CELF2: variants seen among roughly 807,000 people sequenced by gnomAD.
CELF2 encodes the protein CUG triplet repeat RNA-binding protein 2.
CELF2 carries 8 observed loss-of-function variants against 62.6 expected under a neutral mutation model. The ratio of observed to expected loss-of-function variants is 0.13; its 90% CI spans 0.07 to 0.23. The LOEUF (loss-of-function observed/expected upper bound fraction) is 0.23, where lower values mean the gene tolerates loss of function less well. CELF2 is among the 10% of genes least tolerant of loss of function. CELF2 has a pLI of 1.00. For missense variants in CELF2, 333 were observed against 671.0 expected (o/e 0.50, Z 5.56); for synonymous variants, 258 against 250.0 (o/e 1.03, Z -0.30).
intron 1 of CELF2, among the ~76,000 whole-genome samples, chr10:11,081,812 C>T (rs1211627668): frequency 6.6e-6 from 1 of 152,118 alleles, no homozygotes; most frequent in African/African-American, 2.4e-5. Flanking sequence ...TATTCTTTAC[C>T]TTAAGAAAGA....
intron 1 of CELF2, among the ~76,000 whole-genome samples, chr10:11,052,364 T>G (rs994351292): frequency 1.3e-5 from 2 of 152,262 alleles, no homozygotes; most frequent in African/African-American, 2.4e-5. Flanking sequence ...TAATTCATTT[T>G]TTTAGTTACT....
chr10:10,629,533 C>T, the CELF2 span, among the ~76,000 whole-genome samples: 2 of 152,038 alleles, frequency 1.3e-5, no homozygotes, highest in Admixed American at 6.6e-5. Flanking sequence ...TTTTAAGCCT[C>T]CCTTTATATC....
intron 9 of CELF2, among the ~76,000 whole-genome samples, chr10:11,307,662 T>G (rs2094325669): frequency 6.6e-6 from 1 of 152,164 alleles, no homozygotes; most frequent in Non-Finnish European, 1.5e-5. Context: ...GTTGGGGAGA[T>G]GAGGGAACAA....
chr10:10,731,335 G>A, the CELF2 span, among the ~76,000 whole-genome samples: 1 of 152,046 alleles, frequency 6.6e-6, no homozygotes, highest in Non-Finnish European at 1.5e-5. Flanking sequence ...GGCTTGCTGT[G>A]ACTAGTTGGA....
chr10:10,610,051 C>A, the CELF2 span, among the ~76,000 whole-genome samples: 1 of 152,146 alleles, frequency 6.6e-6, no homozygotes, highest in South Asian at 2.1e-4. Flanking sequence ...GATCTGGAAC[C>A]TATTTATGTG....
the CELF2 span, among the ~76,000 whole-genome samples, chr10:10,623,640 A>G: frequency 6.6e-6 from 1 of 152,144 alleles, no homozygotes; most frequent in Non-Finnish European, 1.5e-5. Flanking sequence ...GAGCCTAGGC[A>G]TTAAGAAGCA....
At chr10:10,730,258 C>A in the CELF2 span, among the ~76,000 whole-genome samples, 2 of 152,164 alleles carry the variant, frequency 1.3e-5, no homozygotes, top group Non-Finnish European at 2.9e-5. Context: ...AGGTGGATCA[C>A]TTGAGGCCGG....
At chr10:11,282,222 G>C (rs1454850546) in intron 8 of CELF2, among the ~76,000 whole-genome samples, 1 of 151,840 alleles carries the variant, frequency 6.6e-6, no homozygotes, top group Non-Finnish European at 1.5e-5. Flanking sequence ...GGAAGGAAAT[G>C]GATACCAATG....
intron 11 of CELF2, among the ~76,000 whole-genome samples, chr10:11,325,502 C>T (rs2095676955): frequency 6.6e-6 from 1 of 152,232 alleles, no homozygotes; most frequent in Non-Finnish European, 1.5e-5. Context: ...CAAGAAAAAC[C>T]CATGCCAAGA....
In CELF2 at chr10:10,857,577, C is replaced by T. The variant is rs574508186; in HGVS notation, c.53+58760C>T. Reference sequence around the variant, plus strand: ...GTCAAACATTACTAGATGTACTGAACTGTACATTTTAAAATTGTAAAGATG... The same window carrying T: ...GTCAAACATTACTAGATGTACTGAATTGTACATTTTAAAATTGTAAAGATG... On this transcript the variant is annotated intron_variant, in intron 1 of 13. Coordinates refer to the CELF2 transcript ENST00000636488. Among the ~76,000 whole-genome samples, 3 of 146,048 alleles carry T rather than the reference C, an allele frequency of 2.1e-5. No homozygotes were observed. The South Asian group carries it at 6.5e-4, about 32-fold the overall frequency.
At chr10:10,562,620 G>T in the CELF2 span, among the ~76,000 whole-genome samples, 1 of 152,090 alleles carries the variant, frequency 6.6e-6, no homozygotes, top group Non-Finnish European at 1.5e-5. Flanking sequence ...TTGGAAAACA[G>T]GAATGAGGGG....
At chr10:11,241,829 A>G (rs72775830) in intron 3 of CELF2, among the ~76,000 whole-genome samples, 17,356 of 152,154 alleles carry the variant, frequency 0.11, 1,059 homozygotes, top group African/African-American at 0.15. Flanking sequence ...GCTGTCTTTC[A>G]TTTGAGGGGA....
the CELF2 span, among the ~76,000 whole-genome samples, chr10:10,727,061 T>C: frequency 4.3e-4 from 65 of 152,252 alleles, no homozygotes; most frequent in African/African-American, 1.5e-3. Context: ...AGGACAGCAC[T>C]AAGGGGATGG....
chr10:10,873,069 G>C (rs966076014), intron 1 of CELF2, among the ~76,000 whole-genome samples: 1 of 151,856 alleles, frequency 6.6e-6, no homozygotes, highest in Non-Finnish European at 1.5e-5. Context: ...TCCTTTTATC[G>C]GCTTATGTAC....
the CELF2 span, among the ~76,000 whole-genome samples, chr10:10,543,605 G>C: frequency 6.6e-6 from 1 of 152,190 alleles, no homozygotes; most frequent in Non-Finnish European, 1.5e-5. Context: ...CCAGCACTTT[G>C]GGAGGTCAAG....
chr10:10,761,643 C>T, the CELF2 span, among the ~76,000 whole-genome samples: 4 of 152,280 alleles, frequency 2.6e-5, no homozygotes, highest in Non-Finnish European at 4.4e-5. Context: ...CCTCCCACAT[C>T]GCAAGAGAGA....
chr10:11,321,365 G>A lies in CELF2; in HGVS notation c.1273G>A (p.Ala425Thr), dbSNP rs200127470. Residue 425 changes from alanine to threonine, a missense_variant, in exon 11 of 13, where the codon GCT becomes ACT. Transcript: ENST00000633077. This position sits in a 1 kb window ranked among gnomAD's most constrained non-coding sequence, Gnocchi z 6.2. The stretch of plus-strand genomic sequence containing the variant: ...CCAGAGCCTGCTGCAGCAGCAGAGC[G>A]CTGCAGGCAGCCAGAAGGAAGGTAG... ...YSQSLLQQQS[A>T]AGSQKEGPEG... The A allele has an allele frequency of 4.4e-6, 7 of 1,606,926 alleles. No individual in the cohort carries two copies. The highest frequency in any genetic ancestry group is 2.2e-5 in the South Asian group (2 of 91,068).
intron 3 of CELF2, among the ~76,000 whole-genome samples, chr10:11,229,701 T>C (rs532787649): frequency 6.6e-6 from 1 of 152,170 alleles, no homozygotes; most frequent in South Asian, 2.1e-4. Context: ...ATGATTCTCC[T>C]GCCTCAGCCT....
intron 1 of CELF2, among the ~76,000 whole-genome samples, chr10:10,857,805 A>T (rs1234415747): frequency 6.6e-6 from 1 of 151,442 alleles, no homozygotes; most frequent in Non-Finnish European, 1.5e-5. Context: ...CTAGTAAAAA[A>T]AATGACTTTA....
Sources: allele counts gnomAD v4.1 joint callset (sites outside exome capture counted in the v4.1 genomes callset), GRCh38; gene constraint gnomAD v4.1.1; non-coding constraint Gnocchi (gnomAD v3.1); transcripts MANE v1.5; gene names NCBI Gene and HGNC (gene_info 2026-07-23, HGNC 2026-07-21).